Variants in AMOTL1 observed in about 807,000 individuals in gnomAD.
AMOTL1 encodes the protein angiomotin like 1.
Under a neutral mutation model 102.9 loss-of-function variants are expected in AMOTL1, and 45 were observed. The observed-to-expected ratio is 0.44, with a 90% CI of 0.34 to 0.56. AMOTL1 has a LOEUF of 0.56. AMOTL1 is among the 20% of genes least tolerant of loss of function. The pLI is 0.01. For missense variants in AMOTL1, 1,114 were observed against 1,225.6 expected, an observed-to-expected ratio of 0.91 and a Z score of 1.36; for synonymous variants, 481 against 484.7, an observed-to-expected ratio of 0.99 and a Z score of 0.10.
At chr11:94,806,165 G>A (rs949365150) in intron 3 of AMOTL1, among the ~76,000 whole-genome samples, 2 of 152,346 alleles carry the variant, frequency 1.3e-5, no homozygotes, top group Admixed American at 6.5e-5. Context: ...AGTACATTTG[G>A]CAAATTAAAG....
In AMOTL1 at chr11:94,830,121, G is replaced by A. The variant is rs763554888; in HGVS notation, c.1485G>A (p.Ser495=). ...TCAAGTCTACCACCAAGCGAGAATC[G>A]CTGGACAAGGCCATGAGAAACAAAT... The part of the protein sequence containing the change: ...SLVKSTTKRE[S]LDKAMRNKLE... The change falls in exon 5 of 13, where the codon TCG becomes TCA. Residue 495 remains serine (S), a synonymous_variant. Coordinates refer to ENST00000433060, the MANE Select transcript of AMOTL1 (RefSeq NM_130847.3). The A allele has an allele frequency of 5.6e-6, 9 of 1,610,594 alleles. No homozygotes were observed. Among genetic ancestry groups the A allele is most frequent in the African/African-American group, 5.3e-5 (4 of 74,908 alleles).
chr11:94,814,849 C>G (rs556257884), intron 3 of AMOTL1, among the ~76,000 whole-genome samples: 10 of 152,276 alleles, frequency 6.6e-5, no homozygotes, highest in African/African-American at 2.4e-4. Context: ...TTGTCAGAGT[C>G]TGATACATAG....
At chr11:94,771,260 G>GGA (rs373483901) in intron 1 of AMOTL1, among the ~76,000 whole-genome samples, 2,431 of 9,486 alleles carry the variant, frequency 0.26, 118 homozygotes, top group Non-Finnish European at 0.43. Flanking sequence ...TGGCGGGGTT[G>GGA]GGGGGGGGGT....
rs1951875216 is a variant in AMOTL1, at chr11:94,821,911, G to T, written c.1413+90G>T. ...CACTGACTGACTTGCCAACATTGCAGTAGACCCCTTTTTATACTAGGCCCT... is the reference window on the plus strand; with the variant it reads ...CACTGACTGACTTGCCAACATTGCATTAGACCCCTTTTTATACTAGGCCCT... On this transcript the variant is annotated intron_variant, in intron 4 of 12. Transcript: ENST00000433060. 2.7e-6 allele frequency: 4 copies of T among 1,506,758 alleles called. No individual in the cohort carries two copies. In the South Asian group the frequency reaches 3.8e-5, roughly 14 times the overall value. The allele number at this position is 1,506,758 out of a possible 1,614,324, so 93.3% of individuals were successfully genotyped here. A position where few individuals can be genotyped will look rare whatever the true frequency, so the allele number is the denominator to read the frequency against.
rs370874283 is a variant in AMOTL1 at position 94,755,079 on chromosome 11, A to C, written c.136+14091A>C. On this transcript the variant is annotated intron_variant, in intron 3 of 4. Coordinates refer to the AMOTL1 transcript ENST00000299004. The stretch of plus-strand genomic sequence containing the variant: ...CACTTGACTCCATTTAGGTGCTTAC[A>C]TCGATGAGACTTGATTGCTGCTATG... 1.9e-3 allele frequency among the ~76,000 whole-genome samples: 284 copies of C among 152,286 alleles called. 5 individuals carry two copies. Among genetic ancestry groups the C allele is most frequent in the African/African-American group, 6.4e-3 (266 of 41,562 alleles).
At chr11:94,781,706 A>C (rs1014021712) in intron 1 of AMOTL1, among the ~76,000 whole-genome samples, 1 of 152,078 alleles carries the variant, frequency 6.6e-6, no homozygotes, top group African/African-American at 2.4e-5. Context: ...GTGGTGGTGC[A>C]TGCCTGTAAT....
At position 94,724,616 on chromosome 11, in the gene AMOTL1, G is replaced by A. The variant is rs1449981978; in HGVS notation, c.-50-4305G>A. 2.0e-5 allele frequency among the ~76,000 whole-genome samples: 3 copies of A among 152,098 alleles called. No homozygotes were observed. The East Asian group carries it at 5.8e-4, about 29-fold the overall frequency. ...ATGCTTGTACTTGGTATGTTGTTCT[G>A]TAATGATACGTTCATATACATGTCT... On this transcript the variant is annotated intron_variant, in intron 1 of 4. Coordinates refer to the AMOTL1 transcript ENST00000299004.
chr11:94,765,151 A>G (rs1417853196), upstream of AMOTL1, among the ~76,000 whole-genome samples: 2 of 152,188 alleles, frequency 1.3e-5, no homozygotes, highest in East Asian at 1.9e-4. Flanking sequence ...TTGGCCCATC[A>G]TCTTCTTAGC....
intron 1 of AMOTL1, among the ~76,000 whole-genome samples, chr11:94,711,041 A>G (rs887422107): frequency 6.6e-6 from 1 of 152,202 alleles, no homozygotes; most frequent in Non-Finnish European, 1.5e-5. Flanking sequence ...ACCAGTATAC[A>G]GATAGATGCT....
At chr11:94,754,858 T>A (rs1051263616) in intron 3 of AMOTL1, among the ~76,000 whole-genome samples, 1 of 152,224 alleles carries the variant, frequency 6.6e-6, no homozygotes, top group Non-Finnish European at 1.5e-5. Context: ...TTTGGACACA[T>A]AATACTAAAA....
chr11:94,757,229 A>T (rs1190497105), intron 3 of AMOTL1, among the ~76,000 whole-genome samples: 2 of 152,184 alleles, frequency 1.3e-5, no homozygotes, highest in Admixed American at 6.5e-5. Flanking sequence ...CAGGTTAATA[A>T]TAGTTAATAT....
Position 94,853,966 on chromosome 11 carries a change from G to T in AMOTL1, c.1828G>T (p.Glu610Ter). The part of the protein sequence containing the change: ...REKQAYVEKV[E>*]KLQQALTQLQ... ...GAAGCAAGCATATGTTGAGAAAGTT[G>T]AGAAGCTGCAGCAGGCCCTGACCCA... The change falls in exon 8 of 13, where the codon GAG becomes TAG. Residue 610 changes from glutamate to a stop codon, truncating the protein, a stop_gained. Coordinates refer to ENST00000433060, the MANE Select transcript of AMOTL1 (RefSeq NM_130847.3). LOFTEE classifies it high-confidence loss of function. 1 of 1,608,312 alleles carries T rather than the reference G, an allele frequency of 6.2e-7. No homozygotes were observed. The highest frequency in any genetic ancestry group is 1.1e-5 in the South Asian group (1 of 89,686).
chr11:94,713,677 T>C (rs1950052530), intron 1 of AMOTL1, among the ~76,000 whole-genome samples: 1 of 151,990 alleles, frequency 6.6e-6, no homozygotes, highest in South Asian at 2.1e-4. Context: ...AGTTTCCACA[T>C]ATACATTGTT....
At chr11:94,862,786 A>C (rs1033517982) in intron 9 of AMOTL1, among the ~76,000 whole-genome samples, 1 of 152,214 alleles carries the variant, frequency 6.6e-6, no homozygotes, top group Non-Finnish European at 1.5e-5. Flanking sequence ...TAATTTCTAT[A>C]TTGATGATTT....
At chr11:94,844,461 A>T (rs770088448) in intron 6 of AMOTL1, among the ~76,000 whole-genome samples, 4 of 152,240 alleles carry the variant, frequency 2.6e-5, no homozygotes, top group Non-Finnish European at 5.9e-5. Flanking sequence ...GCTGTAACAG[A>T]ATACCACAGA....
intron 1 of AMOTL1, among the ~76,000 whole-genome samples, chr11:94,773,894 G>C (rs1479546727): frequency 6.6e-6 from 1 of 152,222 alleles, no homozygotes; most frequent in Admixed American, 6.5e-5. Context: ...AATGAAAAAG[G>C]AGAGGTAGTA....
Position 94,799,312 on chromosome 11 carries a change from A to C in AMOTL1, c.200-78A>C. ...TAAATGTTGCTGTAGTTAGAATGTT[A>C]ATTATGTACCACATAGTCACAGACA... On this transcript the variant is annotated intron_variant, in intron 2 of 12. Coordinates refer to ENST00000433060, the MANE Select transcript of AMOTL1 (RefSeq NM_130847.3). This position sits in a 1 kb window ranked among gnomAD's most constrained non-coding sequence, Gnocchi z 4.5. The C allele has an allele frequency of 8.4e-5, 98 of 1,162,810 alleles. No homozygotes were observed. The highest frequency in any genetic ancestry group is 1.1e-4 in the Non-Finnish European group (91 of 838,528). 72.0% of individuals were successfully genotyped at this position (1,162,810 alleles called of 1,614,324 possible).
At chr11:94,709,778 T>C (rs2135426057) in intron 1 of AMOTL1, among the ~76,000 whole-genome samples, 1 of 152,306 alleles carries the variant, frequency 6.6e-6, no homozygotes, top group Non-Finnish European at 1.5e-5. Flanking sequence ...ACAATGTATA[T>C]TAACTAAGTT....
At chr11:94,752,423 G>A (rs1187563990) in intron 3 of AMOTL1, among the ~76,000 whole-genome samples, 1 of 152,180 alleles carries the variant, frequency 6.6e-6, no homozygotes, top group Non-Finnish European at 1.5e-5. Context: ...TTGGCAAAAT[G>A]GGGAAAACAT....
Sources: gnomAD v4.1 joint callset for allele counts (sites outside exome capture counted in the v4.1 genomes callset) on GRCh38, gnomAD v4.1.1 for gene constraint, Gnocchi (gnomAD v3.1) non-coding constraint, MANE v1.5 for transcripts, NCBI Gene and HGNC (gene_info 2026-07-23, HGNC 2026-07-21) for gene names.